The following OTUD7A variants were observed in gnomAD, a reference collection of about 807,000 sequenced individuals.
OTUD7A encodes the protein OTU domain-containing protein 7A.
A neutral mutation model predicts 65.7 loss-of-function variants in OTUD7A; 12 were observed. The ratio of observed to expected loss-of-function variants is 0.18; its 90% CI spans 0.12 to 0.30. The LOEUF (loss-of-function observed/expected upper bound fraction) is 0.30. Among genes scored for constraint, OTUD7A ranks in the 10% least tolerant of loss-of-function variants. OTUD7A has a pLI of 1.00. For synonymous variants in OTUD7A, 641 were observed against 586.3 expected, an observed-to-expected ratio of 1.09 and a Z score of -1.35; for missense variants, 1,148 against 1,304.8, an observed-to-expected ratio of 0.88 and a Z score of 1.85.
chr15:31,622,022 A>G (rs183119001), intron 3 of OTUD7A, among the ~76,000 whole-genome samples: 248 of 152,248 alleles, frequency 1.6e-3, no homozygotes, highest in African/African-American at 5.7e-3. Context: ...TTCACTTATG[A>G]AGCTTAGTTT....
At chr15:31,781,599 C>T (rs1895541451) in intron 1 of OTUD7A, among the ~76,000 whole-genome samples, 1 of 152,216 alleles carries the variant, frequency 6.6e-6, no homozygotes, top group Non-Finnish European at 1.5e-5. Flanking sequence ...GATAGCACCT[C>T]TCCTTAAATT....
intron 1 of OTUD7A, among the ~76,000 whole-genome samples, chr15:31,764,386 G>A (rs1895047934): frequency 6.6e-6 from 1 of 152,078 alleles, no homozygotes; most frequent in Admixed American, 6.5e-5. Flanking sequence ...AAATTACATT[G>A]AGAAATGAGA....
At chr15:31,621,399 T>A (rs12915263) in intron 3 of OTUD7A, among the ~76,000 whole-genome samples, 43,516 of 151,842 alleles carry the variant, frequency 0.29, 7,360 homozygotes, top group African/African-American at 0.47. Context: ...TGTGTGGGAG[T>A]CTAAGTCTCT....
intron 1 of OTUD7A, among the ~76,000 whole-genome samples, chr15:31,833,227 C>T (rs927828031): frequency 2.6e-5 from 4 of 152,320 alleles, no homozygotes; most frequent in African/African-American, 7.2e-5. Context: ...CTGAGCTCCA[C>T]AGCTGAGAAT....
intron 1 of OTUD7A, among the ~76,000 whole-genome samples, chr15:31,713,622 A>G (rs989171237): frequency 6.6e-6 from 1 of 151,084 alleles, no homozygotes; most frequent in African/African-American, 2.4e-5. Flanking sequence ...CTGTCTCAAT[A>G]ACGACAACAA....
intron 3 of OTUD7A, among the ~76,000 whole-genome samples, chr15:31,610,618 T>TATATATGTA (rs1555401191): frequency 8.4e-5 from 1 of 11,848 alleles, no homozygotes; most frequent in Admixed American, 1.4e-3. Context: ...TATATATATA[T>TATATATGTA]TTTTTTTTTT....
intron 3 of OTUD7A, among the ~76,000 whole-genome samples, chr15:31,583,806 CATG>C (rs1889446239): frequency 6.6e-6 from 1 of 152,046 alleles, no homozygotes; most frequent in Non-Finnish European, 1.5e-5. Flanking sequence ...ATGAGGTGTC[CATG>C]ACCTCCAGGG....
At chr15:31,637,613 T>C (rs373461598) in intron 3 of OTUD7A, among the ~76,000 whole-genome samples, 30 of 152,218 alleles carry the variant, frequency 2.0e-4, no homozygotes, top group African/African-American at 7.0e-4. Flanking sequence ...CTCTGATAGA[T>C]CTGGGCAAAG....
chr15:31,815,383 G>A (rs996906835), intron 1 of OTUD7A, among the ~76,000 whole-genome samples: 2 of 152,200 alleles, frequency 1.3e-5, no homozygotes, highest in African/African-American at 4.8e-5. Flanking sequence ...GTGACCATTC[G>A]CATCTGTTCT....
intron 3 of OTUD7A, among the ~76,000 whole-genome samples, chr15:31,640,412 A>T (rs554828781): frequency 2.0e-4 from 30 of 152,334 alleles, no homozygotes; most frequent in Non-Finnish European, 2.9e-4. Context: ...AAATAAAAAA[A>T]AATAATAAAA....
At position 31,655,140 on chromosome 15, in the gene OTUD7A, C is replaced by T. The variant is rs1269662238; in HGVS notation, c.107G>A (p.Arg36Gln). The change falls in exon 3 of 13, where the codon CGG becomes CAG. Residue 36 changes from arginine to glutamine, a missense_variant. Arg to Gln is a conservative substitution (Grantham distance 43, BLOSUM62 1). This residue lies in a region of OTUD7A where 38 missense variants were observed against 85.7 expected (regional missense o/e 0.44). Coordinates refer to ENST00000307050, the MANE Select transcript of OTUD7A (RefSeq NM_001382637.1). ...DMDAVLSDFV[R>Q]STGAEPGLAR... ...CAGACCAGGTTCTGCCCCCGTGGAC[C>T]GAACAAAGTCTGACAGGACTGCGTC... 1.2e-5 allele frequency: 18 copies of T among 1,546,872 alleles called. No individual in the cohort carries two copies. The highest frequency in any genetic ancestry group is 2.6e-5 in the South Asian group (2 of 78,156).
intron 5 of OTUD7A, among the ~76,000 whole-genome samples, chr15:31,549,682 C>T (rs186429593): frequency 5.3e-5 from 8 of 152,056 alleles, no homozygotes; most frequent in Non-Finnish European, 4.4e-5. Flanking sequence ...AAAGGGAATA[C>T]GGAAGAGGGA....
intron 3 of OTUD7A, among the ~76,000 whole-genome samples, chr15:31,640,937 G>C (rs1891495873): frequency 6.6e-6 from 1 of 152,058 alleles, no homozygotes; most frequent in South Asian, 2.1e-4. Context: ...TTGAACATTT[G>C]ATCAACATCA....
chr15:31,639,008 C>T (rs1402392119), intron 3 of OTUD7A, among the ~76,000 whole-genome samples: 1 of 152,106 alleles, frequency 6.6e-6, no homozygotes, highest in African/African-American at 2.4e-5. Context: ...GTGGCGGGTG[C>T]CTGTAGTCGC....
chr15:31,709,775 A>G (rs948162696), intron 1 of OTUD7A, among the ~76,000 whole-genome samples: 21 of 152,256 alleles, frequency 1.4e-4, no homozygotes, highest in African/African-American at 4.6e-4. Flanking sequence ...GCTGCCTTAA[A>G]AAATGTTTTT....
At chr15:31,687,023 G>A (rs1468439507) in intron 1 of OTUD7A, among the ~76,000 whole-genome samples, 2 of 151,634 alleles carry the variant, frequency 1.3e-5, no homozygotes, top group Admixed American at 1.3e-4. Flanking sequence ...CTGTTTTCTT[G>A]GTAAAATTTT....
At chr15:31,653,530 T>C (rs1891902930) in intron 3 of OTUD7A, among the ~76,000 whole-genome samples, 1 of 139,502 alleles carries the variant, frequency 7.2e-6, no homozygotes, top group Non-Finnish European at 1.6e-5. Flanking sequence ...CTGTAGGACA[T>C]TTATCTGACA....
chr15:31,509,713 T>A (rs775963706), intron 8 of OTUD7A, among the ~76,000 whole-genome samples: 35 of 152,048 alleles, frequency 2.3e-4, no homozygotes, highest in South Asian at 4.1e-4. Context: ...AACTGTTTTT[T>A]AAATAGTTTT....
chr15:31,629,201 C>T (rs1214583364), intron 3 of OTUD7A, among the ~76,000 whole-genome samples: 2 of 152,224 alleles, frequency 1.3e-5, no homozygotes, highest in East Asian at 3.9e-4. Context: ...CCAGTTTTTG[C>T]CCATTCAGTA....
Sources: gnomAD v4.1 joint callset for allele counts (sites outside exome capture counted in the v4.1 genomes callset) on GRCh38, gnomAD v4.1.1 for gene constraint, gnomAD v4.1.1 regional missense constraint, MANE v1.5 for transcripts, NCBI Gene and HGNC (gene_info 2026-07-23, HGNC 2026-07-21) for gene names.